The following CFAP43 variants were observed in gnomAD, a reference collection of about 807,000 sequenced individuals.
The protein encoded by CFAP43 is cilia and flagella associated protein 43.
A neutral mutation model predicts 218.9 loss-of-function variants in CFAP43; 155 were observed. The ratio of observed to expected loss-of-function variants is 0.71; its 90% CI spans 0.62 to 0.81. CFAP43 has a LOEUF of 0.81. Ranked by LOEUF, CFAP43 falls within the 30% of genes least tolerant of loss-of-function variation. CFAP43 has a pLI of 0.00. For missense variants in CFAP43, 1,778 were observed against 1,954.3 expected (o/e 0.91, Z 1.70); for synonymous variants, 645 against 681.3 (o/e 0.95, Z 0.83).
intron 5 of CFAP43, among the ~76,000 whole-genome samples, chr10:104,209,299 G>A (rs999896763): frequency 2.6e-5 from 4 of 152,030 alleles, no homozygotes; most frequent in South Asian, 2.1e-4. Context: ...CAAAATATAT[G>A]GCTTTATTAA....
intron 2 of CFAP43, among the ~76,000 whole-genome samples, chr10:104,229,838 T>G (rs2091402828): frequency 6.6e-6 from 1 of 152,144 alleles, no homozygotes; most frequent in Non-Finnish European, 1.5e-5. Flanking sequence ...GCTCAGAGAC[T>G]TGACTTTAGA....
chr10:104,199,061 T>C (rs1268996500), intron 8 of CFAP43, among the ~76,000 whole-genome samples: 1 of 152,220 alleles, frequency 6.6e-6, no homozygotes, highest in African/African-American at 2.4e-5. Flanking sequence ...ACCCAAAAAG[T>C]TGTTAAGATG....
At chr10:104,187,713 T>C (rs570962050) in intron 13 of CFAP43, among the ~76,000 whole-genome samples, 26 of 152,350 alleles carry the variant, frequency 1.7e-4, no homozygotes, top group African/African-American at 5.0e-4. Context: ...AATGCCTTGA[T>C]TAATTTTTAA....
At chr10:104,181,947 T>A (rs2089859453) in intron 17 of CFAP43, among the ~76,000 whole-genome samples, 1 of 152,252 alleles carries the variant, frequency 6.6e-6, no homozygotes, top group Non-Finnish European at 1.5e-5. Context: ...TTTTTCTTTC[T>A]TGTTCATGGC....
rs752393952 is a variant in CFAP43, at chr10:104,162,359, T to C, written c.3291A>G (p.Glu1097=). ...GCTCCTTTTCATGATTCACGATCAA[T>C]TCTTTGGCTTTGTGCCACGGCTTAA... ...KHIKPWHKAK[E]LIVNHEKEHW... is the part of the protein sequence containing the mutation. The change falls in exon 25 of 38, where the codon GAA becomes GAG. Residue 1097 remains glutamate (E), a synonymous_variant. Coordinates refer to ENST00000357060, the MANE Select transcript of CFAP43 (RefSeq NM_025145.7). The C allele has an allele frequency of 1.9e-6, 3 of 1,614,114 alleles. No individual in the cohort carries two copies. In the African/African-American group the frequency reaches 4.0e-5, roughly 22 times the overall value.
intron 27 of CFAP43, among the ~76,000 whole-genome samples, chr10:104,155,784 G>A (rs1454190660): frequency 6.6e-6 from 1 of 152,110 alleles, no homozygotes; most frequent in African/African-American, 2.4e-5. Context: ...GACCTGCAGC[G>A]AGAATGACCT....
rs1226353647 is a variant in CFAP43 at position 104,146,296 on chromosome 10, C to T, written c.3822G>A (p.Lys1274=). Residue 1274 remains lysine (K), a synonymous_variant, in exon 30 of 38, where the codon AAG becomes AAA. Coordinates refer to ENST00000357060, the MANE Select transcript of CFAP43 (RefSeq NM_025145.7). ...RKSREDLDVC[K]EHYDNLLAED... ...CTGCCAGTAAGTTGTCATAGTGCTC[C>T]TTGCACACATCCAGGTCTTCTCTAG... 2 of 1,613,698 alleles carry T rather than the reference C, an allele frequency of 1.2e-6. No homozygotes were observed. Among genetic ancestry groups the T allele is most frequent in the Non-Finnish European group, 1.7e-6 (2 of 1,179,774 alleles).
At chr10:104,132,486 T>C (rs2087244442) in intron 35 of CFAP43, 1 of 284,440 alleles carries the variant, frequency 3.5e-6, no homozygotes. Context: ...TGGTGGCACA[T>C]GCCTGTAATC....
intron 20 of CFAP43, among the ~76,000 whole-genome samples, chr10:104,170,964 G>C (rs1371814518): frequency 6.6e-6 from 1 of 152,102 alleles, no homozygotes; most frequent in African/African-American, 2.4e-5. Context: ...CTGCCTGTGG[G>C]CCTTTGCTCT....
intron 2 of CFAP43, among the ~76,000 whole-genome samples, chr10:104,228,443 G>A (rs190165778): frequency 1.3e-5 from 2 of 151,962 alleles, no homozygotes; most frequent in Non-Finnish European, 2.9e-5. Flanking sequence ...TAATTACTAT[G>A]GCACCATAAT....
chr10:104,174,578 G>A (rs1187526065), intron 19 of CFAP43, among the ~76,000 whole-genome samples: 1 of 152,092 alleles, frequency 6.6e-6, no homozygotes, highest in Non-Finnish European at 1.5e-5. Flanking sequence ...TATCACCAAT[G>A]CAATAGAAAA....
chr10:104,153,135 A>G (rs1252817084), intron 27 of CFAP43, among the ~76,000 whole-genome samples: 1 of 152,188 alleles, frequency 6.6e-6, no homozygotes, highest in Non-Finnish European at 1.5e-5. Context: ...TTCTATTTTA[A>G]GGAAATAAGA....
chr10:104,160,993 C>T, intron 27 of CFAP43, 44 bp downstream of exon 27: 2 of 1,543,018 alleles, frequency 1.3e-6, no homozygotes, highest in Non-Finnish European at 1.8e-6. Context: ...ATTTAAACAG[C>T]ACTCTGGATA....
At chr10:104,148,035 C>A in intron 28 of CFAP43, 37 bp from the exon 29 acceptor site, 1 of 1,349,440 alleles carries the variant, frequency 7.4e-7, no homozygotes, top group Non-Finnish European at 1.0e-6. Flanking sequence ...GGTGGAATTA[C>A]TTCCACCTGA....
rs1251007664 is a variant in CFAP43, at chr10:104,168,868, G to A, written c.2587-20C>T. The A allele has an allele frequency of 5.7e-6, 9 of 1,574,348 alleles. No individual in the cohort carries two copies. Among genetic ancestry groups the A allele is most frequent in the Non-Finnish European group, 7.8e-6 (9 of 1,146,708 alleles). Reference sequence around the variant, plus strand: ...TATCATCTTGAAGAACACAGACAAAGGGAAAAGATAAAAATGAAAGTGTGG... The same window carrying A: ...TATCATCTTGAAGAACACAGACAAAAGGAAAAGATAAAAATGAAAGTGTGG... On this transcript the variant is annotated intron_variant, in intron 20 of 37. Transcript: ENST00000357060.
In CFAP43 at chr10:104,130,178, T is replaced by A. The variant is rs1362504899; in HGVS notation, c.4959A>T (p.Arg1653Ser). The A allele has an allele frequency of 6.2e-7, 1 of 1,606,594 alleles. No individual in the cohort carries two copies. ...QISILQTEVE[R>S]LRMKTFPALV... Reference sequence around the variant, plus strand: ...GAGCAGGAAATGTTTTCATTCTTAATCTTTCAACTTCAGTCTGTAGTATTG... The same window carrying A: ...GAGCAGGAAATGTTTTCATTCTTAAACTTTCAACTTCAGTCTGTAGTATTG... Residue 1653 changes from arginine to serine, a missense_variant, in exon 38 of 38, where the codon AGA becomes AGT. Arg to Ser is a moderately radical substitution (Grantham distance 110). Transcript: ENST00000357060.
In CFAP43 at chr10:104,212,050, G is replaced by A. The variant is rs149454391; in HGVS notation, c.692C>T (p.Ser231Leu). 6.2e-7 allele frequency: 1 copy of A among 1,613,668 alleles called. No homozygotes were observed. The highest frequency in any genetic ancestry group is 8.5e-7 in the Non-Finnish European group (1 of 1,179,838). Residue 231 changes from serine (S) to leucine (L), a missense_variant, in exon 5 of 38, where the codon TCA (serine) becomes TTA (leucine). By Grantham distance (145) the Ser-to-Leu change is moderately radical (BLOSUM62 -2). This residue lies in a region of CFAP43 where 1,553 missense variants were observed against 1,685.2 expected (regional missense o/e 0.92). Coordinates refer to ENST00000357060, the MANE Select transcript of CFAP43 (RefSeq NM_025145.7). ...DLIYGPVLPL[S>L]AIAGLVGKEA... ...TTTGCCTACCAGCCCGGCAATGGCTGACAGTGGCAGCACGGGACCATAGAT... is the reference window on the plus strand; with the variant it reads ...TTTGCCTACCAGCCCGGCAATGGCTAACAGTGGCAGCACGGGACCATAGAT...
intron 12 of CFAP43, among the ~76,000 whole-genome samples, chr10:104,188,870 C>T (rs1227518259): frequency 6.6e-6 from 1 of 152,172 alleles, no homozygotes; most frequent in Non-Finnish European, 1.5e-5. Flanking sequence ...ACTAGAAAGC[C>T]AGCTGATCTA....
chr10:104,141,620 A>C (rs905810047), intron 33 of CFAP43, among the ~76,000 whole-genome samples: 4 of 152,184 alleles, frequency 2.6e-5, no homozygotes, highest in Admixed American at 2.6e-4. Context: ...CAAAATAAAT[A>C]AATAAATAAA....
Sources: gnomAD v4.1 joint callset for allele counts (sites outside exome capture counted in the v4.1 genomes callset) on GRCh38, gnomAD v4.1.1 for gene constraint, gnomAD v4.1.1 regional missense constraint, MANE v1.5 for transcripts, NCBI Gene and HGNC (gene_info 2026-07-23, HGNC 2026-07-21) for gene names.